ITPR2: variants seen among roughly 807,000 people sequenced by gnomAD.
ITPR2 encodes inositol 1,4,5-trisphosphate receptor type 2, also known as inositol 1,4,5-trisphosphate-gated calcium channel ITPR2.
In ITPR2, 207 loss-of-function variants were observed where a neutral mutation model predicts 317.1. That is an observed-to-expected ratio of 0.65 (90% CI 0.58 to 0.73). The LOEUF (loss-of-function observed/expected upper bound fraction) is 0.73. Among genes scored for constraint, ITPR2 ranks in the 30% least tolerant of loss-of-function variants. ITPR2 has a pLI of 0.00. For missense variants in ITPR2, 2,613 were observed against 3,284.0 expected, an observed-to-expected ratio of 0.80 and a Z score of 4.99; for synonymous variants, 1,156 against 1,149.1, an observed-to-expected ratio of 1.01 and a Z score of -0.12.
chr12:26,652,382 CAATT>C (rs1947277219), intron 21 of ITPR2, among the ~76,000 whole-genome samples: 1 of 152,182 alleles, frequency 6.6e-6, no homozygotes, highest in African/African-American at 2.4e-5. Flanking sequence ...TGGGCAGCAG[CAATT>C]AATTACTTCA....
chr12:26,824,848 T>A (rs1950987450), intron 1 of ITPR2, among the ~76,000 whole-genome samples: 2 of 152,346 alleles, frequency 1.3e-5, no homozygotes, highest in African/African-American at 4.8e-5. Flanking sequence ...TATATATTTT[T>A]AAACATTCCC....
chr12:26,581,581 T>A (rs531835679), intron 32 of ITPR2, among the ~76,000 whole-genome samples: 3 of 152,314 alleles, frequency 2.0e-5, no homozygotes, highest in African/African-American at 7.2e-5. Context: ...AATAATTTAG[T>A]AAATTTTTAA....
intron 2 of ITPR2, among the ~76,000 whole-genome samples, chr12:26,759,537 T>C (rs977495248): frequency 2.0e-5 from 3 of 152,208 alleles, no homozygotes; most frequent in African/African-American, 2.4e-5. Flanking sequence ...ATTTGGCAAA[T>C]ACCAAGTAAA....
intron 45 of ITPR2, among the ~76,000 whole-genome samples, chr12:26,468,286 G>C (rs1454697765): frequency 6.6e-6 from 1 of 152,094 alleles, no homozygotes; most frequent in African/African-American, 2.4e-5. Flanking sequence ...TAAGAAAAGT[G>C]CCTAGCAAGA....
intron 39 of ITPR2, among the ~76,000 whole-genome samples, chr12:26,493,738 A>C (rs1025233250): frequency 6.6e-6 from 1 of 152,154 alleles, no homozygotes; most frequent in East Asian, 1.9e-4. Context: ...AGACTGGAGG[A>C]CAATGTCTGT....
chr12:26,582,677 T>A (rs182911620), intron 32 of ITPR2, among the ~76,000 whole-genome samples: 19 of 152,314 alleles, frequency 1.2e-4, no homozygotes, highest in Middle Eastern at 3.4e-3. Context: ...ACTTTCAGAT[T>A]TTTTTGGCAT....
chr12:26,438,496 A>T (rs1271462392), intron 47 of ITPR2, among the ~76,000 whole-genome samples: 1 of 152,216 alleles, frequency 6.6e-6, no homozygotes, highest in Non-Finnish European at 1.5e-5. Context: ...TGGAAAATAA[A>T]GTTTATTTAA....
Position 26,487,146 on chromosome 12 carries a change from T to C in ITPR2, c.5476A>G (p.Thr1826Ala). The C allele has an allele frequency of 1.2e-6, 2 of 1,613,236 alleles. No individual in the cohort carries two copies. Among genetic ancestry groups the C allele is most frequent in the South Asian group, 1.1e-5 (1 of 91,040 alleles). ...TTACCTAAATCTATGGTATTAACTG[T>C]CACTGTTGATCTTATTTCTTTCTGA... The part of the protein sequence containing the change: ...AAQKEIRSTV[T>A]VNTIDLGNKK... Residue 1826 changes from threonine to alanine, a missense_variant, in exon 40 of 57, where the codon ACA (threonine) becomes GCA (alanine). Transcript: ENST00000381340.
chr12:26,436,406 G>A (rs543250232), intron 47 of ITPR2, 60 bp from the exon 48 acceptor site: 1 of 1,470,732 alleles, frequency 6.8e-7, no homozygotes, highest in African/African-American at 1.5e-5. Flanking sequence ...TTCAACACAT[G>A]AAGCTTACCA....
chr12:26,597,186 A>C (rs777596714), intron 30 of ITPR2, 52 bp from the exon 31 acceptor site: 2 of 1,595,736 alleles, frequency 1.3e-6, no homozygotes, highest in African/African-American at 2.7e-5. Flanking sequence ...TCATCCTTGC[A>C]GTTATTTCCA....
chr12:26,557,302 A>C (rs1402148162), intron 35 of ITPR2, among the ~76,000 whole-genome samples: 1 of 152,142 alleles, frequency 6.6e-6, no homozygotes, highest in East Asian at 1.9e-4. Context: ...TCTCAATGTC[A>C]TTTCTGAGTC....
chr12:26,683,966 G>A (rs2136965330), intron 11 of ITPR2, among the ~76,000 whole-genome samples: 1 of 152,192 alleles, frequency 6.6e-6, no homozygotes, highest in Middle Eastern at 3.4e-3. Flanking sequence ...AAAGCATTAG[G>A]GCCAAGAAAA....
chr12:26,480,926 C>G (rs115202993), intron 43 of ITPR2, among the ~76,000 whole-genome samples: 5,736 of 152,258 alleles, frequency 0.038, 117 homozygotes, highest in Middle Eastern at 0.11. Context: ...GCTTGGAAAA[C>G]TTCCAGGAAA....
intron 1 of ITPR2, among the ~76,000 whole-genome samples, chr12:26,829,416 G>A (rs1006787334): frequency 6.6e-6 from 1 of 151,350 alleles, no homozygotes; most frequent in Non-Finnish European, 1.5e-5. Flanking sequence ...CTGCAGCCTT[G>A]ACCTCCCAAG....
At chr12:26,465,525 G>T (rs955255912) in intron 45 of ITPR2, among the ~76,000 whole-genome samples, 1 of 152,198 alleles carries the variant, frequency 6.6e-6, no homozygotes, top group African/African-American at 2.4e-5. Context: ...TAAAGAAGCA[G>T]ATTTGCATGC....
chr12:26,661,218 T>C (rs1015677238), intron 15 of ITPR2, among the ~76,000 whole-genome samples: 6 of 138,392 alleles, frequency 4.3e-5, no homozygotes, highest in African/African-American at 1.6e-4. Context: ...GGCAGGTCCC[T>C]AAAGTGCATA....
At chr12:26,740,153 G>T (rs1406926470) in intron 2 of ITPR2, among the ~76,000 whole-genome samples, 3 of 152,110 alleles carry the variant, frequency 2.0e-5, no homozygotes, top group Non-Finnish European at 4.4e-5. Context: ...ATAAAATTAA[G>T]ATTTAATCCA....
At chr12:26,529,647 G>A (rs1463354723) in intron 37 of ITPR2, among the ~76,000 whole-genome samples, 1 of 152,192 alleles carries the variant, frequency 6.6e-6, no homozygotes, top group African/African-American at 2.4e-5. Flanking sequence ...GGTTCTGTCT[G>A]TGGAACCTGG....
chr12:26,727,021 T>C (rs888442665), intron 2 of ITPR2, among the ~76,000 whole-genome samples: 1 of 152,138 alleles, frequency 6.6e-6, no homozygotes, highest in African/African-American at 2.4e-5. Context: ...TCATAGGTAG[T>C]AGAAAACAGA....
Sources: gnomAD v4.1 joint callset for allele counts (sites outside exome capture counted in the v4.1 genomes callset) on GRCh38, gnomAD v4.1.1 for gene constraint, MANE v1.5 for transcripts, NCBI Gene and HGNC (gene_info 2026-07-23, HGNC 2026-07-21) for gene names.